BRINP3: variants seen among roughly 807,000 people sequenced by gnomAD.
BRINP3 encodes the protein BMP/retinoic acid inducible neural specific 3, also known as BMP/retinoic acid-inducible neural-specific protein 3.
A neutral mutation model predicts 71.0 loss-of-function variants in BRINP3; 19 were observed. The observed-to-expected ratio is 0.27, with a 90% confidence interval of 0.19 to 0.39. BRINP3 has a LOEUF of 0.39. BRINP3 is among the 10% of genes least tolerant of loss of function. The pLI is 1.00. For missense variants in BRINP3, 959 were observed against 940.8 expected (o/e 1.02, Z -0.25); for synonymous variants, 380 against 337.7 (o/e 1.13, Z -1.37).
rs1470690427 is a variant in BRINP3, at chr1:190,434,358, C to T, written c.236+20297G>A. 2.0e-5 allele frequency among the ~76,000 whole-genome samples: 3 copies of T among 151,960 alleles called. No individual in the cohort carries two copies. In the East Asian group the frequency reaches 5.8e-4, roughly 29 times the overall value. On this transcript the variant is annotated intron_variant, in intron 2 of 7. Coordinates refer to ENST00000367462, the MANE Select transcript of BRINP3 (RefSeq NM_199051.3). ...TTCCTGACCTCGGGTGATCTGCCCA[C>T]CTTGGCTTCCCAAGGTGCTAAGATT...
chr1:190,131,931 T>C (rs1181707909), intron 7 of BRINP3, among the ~76,000 whole-genome samples: 1 of 152,072 alleles, frequency 6.6e-6, no homozygotes, highest in Non-Finnish European at 1.5e-5. Flanking sequence ...CATAGGGCTG[T>C]TAGGATGGAT....
At chr1:190,369,651 C>CT (rs1669731356) in intron 2 of BRINP3, among the ~76,000 whole-genome samples, 2 of 62,696 alleles carry the variant, frequency 3.2e-5, no homozygotes, top group Non-Finnish European at 8.0e-5. Flanking sequence ...TTTGCATAGA[C>CT]TTAAAAAAAA....
At chr1:190,237,077 A>G (rs1222237866) in intron 4 of BRINP3, among the ~76,000 whole-genome samples, 1 of 151,950 alleles carries the variant, frequency 6.6e-6, no homozygotes, top group Non-Finnish European at 1.5e-5. Context: ...CAATTCATGT[A>G]AGAAAATTAA....
intron 2 of BRINP3, among the ~76,000 whole-genome samples, chr1:190,389,145 C>T (rs1398860887): frequency 2.0e-5 from 3 of 151,660 alleles, no homozygotes; most frequent in Non-Finnish European, 4.4e-5. Flanking sequence ...ATATTAAACA[C>T]ATATAATAAA....
intron 2 of BRINP3, among the ~76,000 whole-genome samples, chr1:190,396,225 A>T (rs1449220049): frequency 6.6e-6 from 1 of 151,984 alleles, no homozygotes; most frequent in Non-Finnish European, 1.5e-5. Context: ...ATCCACAGGC[A>T]ACTTCACTTC....
chr1:190,391,133 G>C (rs1160124794), intron 2 of BRINP3, among the ~76,000 whole-genome samples: 1 of 151,666 alleles, frequency 6.6e-6, no homozygotes. Flanking sequence ...CTTATTCCTG[G>C]TAATGGATCT....
intron 4 of BRINP3, among the ~76,000 whole-genome samples, chr1:190,249,881 A>T (rs1659976119): frequency 6.6e-6 from 1 of 151,928 alleles, no homozygotes; most frequent in Non-Finnish European, 1.5e-5. Context: ...AAAGGAAAAA[A>T]TCATTTTTAA....
rs548928567 is a variant in BRINP3 at position 190,159,188 on chromosome 1, C to A, written c.1184+1480G>T. On this transcript the variant is annotated intron_variant, in intron 7 of 7. Coordinates refer to ENST00000367462, the MANE Select transcript of BRINP3 (RefSeq NM_199051.3). ...AAAAGATATTATTTCATATTCACTT[C>A]GATGGCTATAACCAAATTGATACAA... Among the ~76,000 whole-genome samples, 10 of 152,138 alleles carry A rather than the reference C, an allele frequency of 6.6e-5. No individual in the cohort carries two copies. In the South Asian group the frequency reaches 1.9e-3, roughly 28 times the overall value.
At chr1:190,178,666 A>G (rs1652768517) in intron 6 of BRINP3, among the ~76,000 whole-genome samples, 1 of 152,148 alleles carries the variant, frequency 6.6e-6, no homozygotes, top group Admixed American at 6.6e-5. Context: ...AGTGATAGAA[A>G]TTGAATTCCA....
intron 2 of BRINP3, among the ~76,000 whole-genome samples, chr1:190,361,736 AC>A (rs1219580556): frequency 1.3e-5 from 2 of 152,132 alleles, no homozygotes; most frequent in Non-Finnish European, 2.9e-5. Flanking sequence ...TATTCTGAAT[AC>A]AGTCAATAAT....
At chr1:190,127,047 A>G (rs1393158620) in intron 7 of BRINP3, among the ~76,000 whole-genome samples, 1 of 151,980 alleles carries the variant, frequency 6.6e-6, no homozygotes, top group African/African-American at 2.4e-5. Context: ...TGAACGAATC[A>G]TAGTTACTGT....
Position 190,360,519 on chromosome 1 carries a change from C to T in BRINP3, c.237-78769G>A, listed in dbSNP as rs77747187. 5.8e-3 allele frequency among the ~76,000 whole-genome samples: 882 copies of T among 152,180 alleles called. 8 individuals carry two copies. Among genetic ancestry groups the T allele is most frequent in the African/African-American group, 0.018 (764 of 41,546 alleles). On this transcript the variant is annotated intron_variant, in intron 2 of 7. Transcript: ENST00000367462. ...GTGTGAACTTTAAAATGTGAGAGTG[C>T]GTTACATATGAATTCTTTCATTAAC...
At chr1:190,230,896 C>T (rs1657912514) in intron 5 of BRINP3, among the ~76,000 whole-genome samples, 2 of 151,320 alleles carry the variant, frequency 1.3e-5, no homozygotes, top group Non-Finnish European at 3.0e-5. Flanking sequence ...TTTTCTTAAT[C>T]ACAGTCATAC....
At chr1:190,108,436 T>TA (rs1652379910) in intron 7 of BRINP3, among the ~76,000 whole-genome samples, 1 of 151,860 alleles carries the variant, frequency 6.6e-6, no homozygotes, top group Non-Finnish European at 1.5e-5. Flanking sequence ...TCATTTAAAA[T>TA]ACTAATAGAA....
chr1:190,284,506 T>C (rs1319285118), intron 2 of BRINP3, among the ~76,000 whole-genome samples: 1 of 152,034 alleles, frequency 6.6e-6, no homozygotes, highest in Non-Finnish European at 1.5e-5. Context: ...AATTGTATAG[T>C]AGCTTAGTTA....
chr1:190,413,196 T>C (rs2102418728), intron 2 of BRINP3, among the ~76,000 whole-genome samples: 1 of 151,978 alleles, frequency 6.6e-6, no homozygotes, highest in African/African-American at 2.4e-5. Context: ...TGCATGTGCG[T>C]GTGTGTGTGT....
intron 2 of BRINP3, among the ~76,000 whole-genome samples, chr1:190,438,528 G>C (rs1326974444): frequency 4.0e-5 from 6 of 151,824 alleles, no homozygotes; most frequent in Admixed American, 1.3e-4. Context: ...AAGCCATCAT[G>C]AAGCTTGACT....
chr1:190,425,027 A>C, intron 2 of BRINP3, among the ~76,000 whole-genome samples: 1 of 151,654 alleles, frequency 6.6e-6, no homozygotes, highest in East Asian at 1.9e-4. Flanking sequence ...ATAAAATAAA[A>C]ATCAGATTGA....
chr1:190,404,411 T>C (rs1303778134), intron 2 of BRINP3, among the ~76,000 whole-genome samples: 1 of 152,200 alleles, frequency 6.6e-6, no homozygotes, highest in African/African-American at 2.4e-5. Flanking sequence ...TATGTAATTA[T>C]TGTTTCTTAA....
Sources: allele counts gnomAD v4.1 joint callset (sites outside exome capture counted in the v4.1 genomes callset), GRCh38; gene constraint gnomAD v4.1.1; transcripts MANE v1.5; gene names NCBI Gene and HGNC (gene_info 2026-07-23, HGNC 2026-07-21).